The following SSBP3 variants were observed in gnomAD, a reference collection of about 807,000 sequenced individuals.
SSBP3 encodes single stranded DNA binding protein 3.
In SSBP3, 5 loss-of-function variants were observed where a neutral mutation model predicts 69.6. The ratio of observed to expected loss-of-function variants is 0.07; its 90% CI spans 0.04 to 0.15. The LOEUF (loss-of-function observed/expected upper bound fraction) is 0.15, where lower values mean the gene tolerates loss of function less well. Ranked by LOEUF, SSBP3 falls within the 10% of genes least tolerant of loss-of-function variation. The pLI is 1.00. For synonymous variants in SSBP3, 196 were observed against 193.4 expected (o/e 1.01, Z -0.11); for missense variants, 312 against 534.0 (o/e 0.58, Z 4.10).
chr1:54,292,166 T>C (rs1189380847), intron 4 of SSBP3, among the ~76,000 whole-genome samples: 1 of 152,170 alleles, frequency 6.6e-6, no homozygotes, highest in Non-Finnish European at 1.5e-5. Flanking sequence ...TCCCCTGCAC[T>C]GCCTAAGGGA....
At chr1:54,261,244 C>T (rs574866202) in intron 5 of SSBP3, among the ~76,000 whole-genome samples, 20 of 152,336 alleles carry the variant, frequency 1.3e-4, no homozygotes, top group African/African-American at 4.8e-4. Flanking sequence ...AGATGAGCTG[C>T]CCATCTCTAT....
chr1:54,336,234 CCA>C (rs1272981916), intron 4 of SSBP3, among the ~76,000 whole-genome samples: 2 of 152,190 alleles, frequency 1.3e-5, no homozygotes, highest in Non-Finnish European at 2.9e-5. Flanking sequence ...TTCCTTTTAC[CCA>C]CTGGGTCTCT....
intron 4 of SSBP3, among the ~76,000 whole-genome samples, chr1:54,386,709 G>C (rs1244920521): frequency 9.0e-5 from 4 of 44,440 alleles, no homozygotes; most frequent in Non-Finnish European, 1.1e-4. Context: ...TTTTTTAAGA[G>C]ATGGAGTTTC....
chr1:54,261,266 G>A (rs1570290588), intron 5 of SSBP3, among the ~76,000 whole-genome samples: 2 of 152,192 alleles, frequency 1.3e-5, no homozygotes, highest in East Asian at 3.8e-4. Context: ...AGGAGTCAGG[G>A]GCTCTGCTGC....
At position 54,290,150 on chromosome 1, in the gene SSBP3, G is replaced by A. The variant is rs1323189161; in HGVS notation, c.277-8623C>T. ...CTTCTCTGATACAAATTTCAGAATC[G>A]ACACTTAAAAGTGGTCACCTGGAAA... On this transcript the variant is annotated intron_variant, in intron 4 of 17. Coordinates refer to ENST00000610401, the Ensembl canonical transcript of SSBP3. Among the ~76,000 whole-genome samples, 5 of 152,104 alleles carry A rather than the reference G, an allele frequency of 3.3e-5. No homozygotes were observed. In the South Asian group the frequency reaches 6.2e-4, roughly 19 times the overall value.
chr1:54,281,005 G>A (rs1371709378), intron 5 of SSBP3, among the ~76,000 whole-genome samples: 1 of 152,124 alleles, frequency 6.6e-6, no homozygotes, highest in Non-Finnish European at 1.5e-5. Context: ...TTACGCCTAA[G>A]GTTTGTCATT....
At chr1:54,234,902 C>T (rs555887971) in intron 14 of SSBP3, among the ~76,000 whole-genome samples, 2 of 152,244 alleles carry the variant, frequency 1.3e-5, no homozygotes, top group Admixed American at 1.3e-4. Context: ...TAGCTGACTA[C>T]AGGCATACAC....
At chr1:54,398,423 C>T (rs1649050978) in intron 4 of SSBP3, among the ~76,000 whole-genome samples, 3 of 152,196 alleles carry the variant, frequency 2.0e-5, no homozygotes, top group Admixed American at 6.5e-5. Context: ...TTAGCTACCA[C>T]ATGGAGAAAA....
At chr1:54,400,273 G>A (rs1311681972) in intron 4 of SSBP3, among the ~76,000 whole-genome samples, 1 of 152,156 alleles carries the variant, frequency 6.6e-6, no homozygotes, top group Non-Finnish European at 1.5e-5. Flanking sequence ...CATCAAGAGA[G>A]TGAAAGACCC....
At chr1:54,345,453 A>C (rs1446105016) in intron 4 of SSBP3, among the ~76,000 whole-genome samples, 2 of 152,160 alleles carry the variant, frequency 1.3e-5, no homozygotes, top group Non-Finnish European at 2.9e-5. Flanking sequence ...CCATGGTCCC[A>C]GCTCCTTTCC....
chr1:54,349,237 C>T (rs577986516), intron 4 of SSBP3, among the ~76,000 whole-genome samples: 2 of 152,320 alleles, frequency 1.3e-5, no homozygotes, highest in Admixed American at 1.3e-4. Context: ...CCAACCAGGT[C>T]TCTGTACCAT....
chr1:54,369,062 C>T (rs72665949), intron 4 of SSBP3, among the ~76,000 whole-genome samples: 7,366 of 152,296 alleles, frequency 0.048, 252 homozygotes, highest in Non-Finnish European at 0.073. Context: ...ATTTGCACTT[C>T]CACGTAAGAC....
At chr1:54,364,419 G>A (rs546185084) in intron 4 of SSBP3, among the ~76,000 whole-genome samples, 46 of 152,324 alleles carry the variant, frequency 3.0e-4, no homozygotes, top group African/African-American at 1.1e-3. Context: ...ACCCAGAGAA[G>A]GGGAGATGAC....
intron 4 of SSBP3, among the ~76,000 whole-genome samples, chr1:54,325,949 C>CT (rs1287438244): frequency 6.6e-6 from 1 of 152,002 alleles, no homozygotes; most frequent in Non-Finnish European, 1.5e-5. Flanking sequence ...TCACAGGCAG[C>CT]TCCCCCCCGC....
At chr1:54,301,321 C>G (rs1645796995) in intron 4 of SSBP3, among the ~76,000 whole-genome samples, 1 of 152,180 alleles carries the variant, frequency 6.6e-6, no homozygotes, top group Non-Finnish European at 1.5e-5. Flanking sequence ...CCAGCAGCAG[C>G]AGCACGCCAA....
chr1:54,396,347 TATTACCA>T (rs1648886195), intron 4 of SSBP3, among the ~76,000 whole-genome samples: 1 of 152,130 alleles, frequency 6.6e-6, no homozygotes, highest in Non-Finnish European at 1.5e-5. Flanking sequence ...TGGTCAGAAT[TATTACCA>T]AGCTAAAAAA....
chr1:54,338,597 A>G (rs1399405317), intron 4 of SSBP3, among the ~76,000 whole-genome samples: 1 of 152,238 alleles, frequency 6.6e-6, no homozygotes, highest in Non-Finnish European at 1.5e-5. Flanking sequence ...ACGGCAATAT[A>G]TATACTAAAG....
intron 5 of SSBP3, among the ~76,000 whole-genome samples, chr1:54,271,255 C>T (rs1250647680): frequency 6.6e-6 from 1 of 152,058 alleles, no homozygotes. Flanking sequence ...GGACTACAAG[C>T]CTATGCAACA....
chr1:54,306,217 C>G (rs1645898642), intron 4 of SSBP3, among the ~76,000 whole-genome samples: 1 of 152,108 alleles, frequency 6.6e-6, no homozygotes, highest in African/African-American at 2.4e-5. Context: ...CTGGGTCCCT[C>G]CCAAGGAGTG....
Sources: gnomAD v4.1 joint callset for allele counts (sites outside exome capture counted in the v4.1 genomes callset) on GRCh38, gnomAD v4.1.1 for gene constraint, MANE v1.5 for transcripts, NCBI Gene and HGNC (gene_info 2026-07-23, HGNC 2026-07-21) for gene names.